The following NDST3 variants were observed in gnomAD, a reference collection of about 807,000 sequenced individuals.
NDST3 encodes N-deacetylase and N-sulfotransferase 3.
A neutral mutation model predicts 96.1 loss-of-function variants in NDST3; 58 were observed. That is an observed-to-expected ratio of 0.60 (90% CI 0.49 to 0.75). The LOEUF (loss-of-function observed/expected upper bound fraction) is 0.75. Among genes scored for constraint, NDST3 ranks in the 30% least tolerant of loss-of-function variants. The pLI is 0.00. For missense variants in NDST3, 788 were observed against 1,034.2 expected (o/e 0.76, Z 3.27); for synonymous variants, 333 against 359.7 (o/e 0.93, Z 0.84).
At chr4:118,109,373 G>A (rs1270094324) in intron 3 of NDST3, among the ~76,000 whole-genome samples, 3 of 152,162 alleles carry the variant, frequency 2.0e-5, no homozygotes, top group African/African-American at 4.8e-5. Context: ...ATATGCTCAA[G>A]AAATACAAGA....
intron 7 of NDST3, among the ~76,000 whole-genome samples, chr4:118,226,102 TATTA>T (rs1200561668): frequency 2.0e-5 from 3 of 152,152 alleles, no homozygotes; most frequent in Non-Finnish European, 4.4e-5. Flanking sequence ...ATACCTATGG[TATTA>T]ATTGACTAGA....
At chr4:118,233,838 T>C (rs1740468055) in intron 9 of NDST3, among the ~76,000 whole-genome samples, 1 of 152,202 alleles carries the variant, frequency 6.6e-6, no homozygotes, top group Non-Finnish European at 1.5e-5. Flanking sequence ...GAGTGAATTA[T>C]AATAATTCTG....
intron 4 of NDST3, among the ~76,000 whole-genome samples, chr4:118,116,731 G>A (rs968226357): frequency 1.6e-4 from 25 of 152,098 alleles, no homozygotes; most frequent in Non-Finnish European, 2.2e-4. Flanking sequence ...GGTGGCGGGC[G>A]CCTGTAGTCC....
At chr4:118,147,737 G>A (rs530872128) in intron 6 of NDST3, among the ~76,000 whole-genome samples, 22 of 152,206 alleles carry the variant, frequency 1.4e-4, no homozygotes, top group East Asian at 5.8e-4. Context: ...GAAAAGTTCC[G>A]GCTTAGACAG....
intron 4 of NDST3, among the ~76,000 whole-genome samples, chr4:118,123,681 G>A (rs1731799001): frequency 1.3e-5 from 2 of 152,072 alleles, no homozygotes; most frequent in African/African-American, 2.4e-5. Flanking sequence ...TCACAAAAGC[G>A]CATCCTTTAG....
At chr4:118,165,835 C>A (rs1735510984) in intron 6 of NDST3, among the ~76,000 whole-genome samples, 2 of 151,260 alleles carry the variant, frequency 1.3e-5, no homozygotes, top group Admixed American at 1.3e-4. Context: ...AGAAAAAAAT[C>A]AAAAGAGAAA....
intron 2 of NDST3, 81 bp from the exon 3 acceptor site, chr4:118,104,937 T>A: frequency 8.9e-7 from 1 of 1,121,726 alleles, no homozygotes; most frequent in South Asian, 1.4e-5. Context: ...TTTTATCCTC[T>A]GAATGCAAAA....
At chr4:118,133,753 T>G (rs1732837040) in intron 4 of NDST3, among the ~76,000 whole-genome samples, 1 of 152,182 alleles carries the variant, frequency 6.6e-6, no homozygotes, top group South Asian at 2.1e-4. Context: ...TGTTTATTCT[T>G]CAGACGAACA....
rs886105201 is a variant in NDST3, at chr4:118,204,294, A to T, written c.1540-20197A>T. Among the ~76,000 whole-genome samples the T allele has an allele frequency of 9.2e-3, 1,343 of 145,856 alleles. 178 individuals are homozygous for T. The highest frequency in any genetic ancestry group is 0.032 in the African/African-American group (1,283 of 39,556). The stretch of plus-strand genomic sequence containing the variant: ...ACTTCTGACACCATCTGTTTAAAAA[A>T]AAAAAAAAGCCTTAGACAAATTAAA... On this transcript the variant is annotated intron_variant, in intron 6 of 13. Coordinates refer to ENST00000296499, the MANE Select transcript of NDST3 (RefSeq NM_004784.3).
At chr4:118,097,622 T>C (rs1347412458) in intron 2 of NDST3, among the ~76,000 whole-genome samples, 1 of 151,992 alleles carries the variant, frequency 6.6e-6, no homozygotes, top group Non-Finnish European at 1.5e-5. Context: ...ATAATCTTTA[T>C]GTACATAGAA....
intron 1 of NDST3, among the ~76,000 whole-genome samples, chr4:118,042,819 C>T (rs1560604249): frequency 6.6e-6 from 1 of 152,192 alleles, no homozygotes; most frequent in Non-Finnish European, 1.5e-5. Context: ...TTTCAAGCAC[C>T]ATGTCTCTTA....
At chr4:118,100,077 T>C (rs974543537) in intron 2 of NDST3, among the ~76,000 whole-genome samples, 4 of 152,032 alleles carry the variant, frequency 2.6e-5, no homozygotes, top group Non-Finnish European at 5.9e-5. Flanking sequence ...TGCTACAACA[T>C]GATTTGAGGT....
Position 118,224,659 on chromosome 4 carries a change from G to T in NDST3, c.1708G>T (p.Asp570Tyr), listed in dbSNP as rs1739759829. Residue 570 changes from aspartate to tyrosine, a missense_variant, in exon 7 of 14, where the codon GAC (aspartate) becomes TAC (tyrosine). Around this residue, in one of 3 missense-constraint regions of NDST3, gnomAD observed 490 missense variants for 708.8 expected, o/e 0.69. Coordinates refer to ENST00000296499, the MANE Select transcript of NDST3 (RefSeq NM_004784.3). ...KYFELFPDQK[D>Y]PLWQNPCDDK... ...TTTTGAGCTGTTTCCTGATCAGAAA[G>T]ACCCTCTCTGGCAGGTAAAATTAAT... 1 of 1,598,596 alleles carries T rather than the reference G, an allele frequency of 6.3e-7. No homozygotes were observed. The highest frequency in any genetic ancestry group is 1.7e-5 in the Admixed American group (1 of 58,436).
chr4:118,137,538 C>A (rs1733210229), intron 4 of NDST3, among the ~76,000 whole-genome samples: 1 of 152,264 alleles, frequency 6.6e-6, no homozygotes, highest in Middle Eastern at 3.4e-3. Flanking sequence ...AGGCAGGGAA[C>A]GTTGTTACTG....
Position 118,249,731 on chromosome 4 carries a change from TACACACACACACACAC to T in NDST3, c.2400-3752_2400-3737del, listed in dbSNP as rs60479821. 4.1e-5 allele frequency among the ~76,000 whole-genome samples: 6 copies of T among 145,498 alleles called. No homozygotes were observed. In the East Asian group the frequency reaches 6.0e-4, roughly 15 times the overall value. On this transcript the variant is annotated intron_variant, in intron 12 of 13. Coordinates refer to ENST00000296499, the MANE Select transcript of NDST3 (RefSeq NM_004784.3). ...ACTACATATAGACTACAGCCCCACA[TACACACACACACACAC>T]ACACACACACACACATTAGATCACA...
At chr4:118,048,917 A>G (rs79726620) in intron 1 of NDST3, among the ~76,000 whole-genome samples, 2,862 of 152,266 alleles carry the variant, frequency 0.019, 42 homozygotes, top group Non-Finnish European at 0.028. Flanking sequence ...CAACCACAAA[A>G]TACACATATT....
chr4:118,232,683 G>GAAAGAAAGAAAGAAAGAAA (rs1740384424), intron 8 of NDST3, among the ~76,000 whole-genome samples: 2 of 149,968 alleles, frequency 1.3e-5, no homozygotes, highest in African/African-American at 4.9e-5. Context: ...GAAAAGAAAA[G>GAAAGAAAGAAAGAAAGAAA]GAAAGAAACA....
chr4:118,079,422 T>G (rs991990298), intron 2 of NDST3, among the ~76,000 whole-genome samples: 1 of 152,050 alleles, frequency 6.6e-6, no homozygotes, highest in African/African-American at 2.4e-5. Context: ...AAGAGGAGAA[T>G]AGCCTACAAT....
chr4:118,045,100 AATTT>A (rs1313297298), intron 1 of NDST3, among the ~76,000 whole-genome samples: 2 of 151,884 alleles, frequency 1.3e-5, no homozygotes, highest in Non-Finnish European at 2.9e-5. Context: ...TACATAGTCA[AATTT>A]ATTTTTTAAG....
Sources: allele counts gnomAD v4.1 joint callset (sites outside exome capture counted in the v4.1 genomes callset), GRCh38; gene constraint gnomAD v4.1.1; regional missense constraint gnomAD v4.1.1; transcripts MANE v1.5; gene names NCBI Gene and HGNC (gene_info 2026-07-23, HGNC 2026-07-21).